FAM174B: variants seen among roughly 807,000 people sequenced by gnomAD.
FAM174B encodes the protein family with sequence similarity 174 member B.
Under a neutral mutation model 10.9 loss-of-function variants are expected in FAM174B, and 12 were observed. The ratio of observed to expected loss-of-function variants is 1.10; its 90% confidence interval spans 0.71 to 1.79. FAM174B has a LOEUF of 1.79. Among genes scored for constraint, FAM174B ranks in the 40% most tolerant of loss-of-function variants. FAM174B has a pLI of 0.00. For missense variants in FAM174B, 266 were observed against 233.3 expected (o/e 1.14, Z -0.91); for synonymous variants, 132 against 115.8 (o/e 1.14, Z -0.90).
chr15:92,634,009 C>A (rs889410272), intron 1 of FAM174B, among the ~76,000 whole-genome samples: 1 of 152,196 alleles, frequency 6.6e-6, no homozygotes, highest in African/African-American at 2.4e-5. Context: ...GATCTACACG[C>A]CTTTCTCAGA....
At chr15:92,620,640 A>T (rs1300317232) in intron 2 of FAM174B, among the ~76,000 whole-genome samples, 4 of 151,500 alleles carry the variant, frequency 2.6e-5, no homozygotes. Flanking sequence ...CAAGGTGAAA[A>T]CCTGTCTCTA....
rs942911966 is a variant in FAM174B, at chr15:92,637,078, G to A, written c.345-6733C>T. On this transcript the variant is annotated intron_variant, in intron 1 of 2. Transcript: ENST00000327355. ...GTGAAGCCCCTCCCACATGGGCCTG[G>A]CCACACCCCCAGTTCCAGGAGTGGA... 7.9e-5 allele frequency among the ~76,000 whole-genome samples: 12 copies of A among 152,310 alleles called. No individual in the cohort carries two copies. The East Asian group carries it at 2.3e-3, about 29-fold the overall frequency.
intron 1 of FAM174B, among the ~76,000 whole-genome samples, chr15:92,640,085 A>G (rs1044800127): frequency 6.6e-6 from 1 of 152,204 alleles, no homozygotes; most frequent in African/African-American, 2.4e-5. Flanking sequence ...CTCATTAAAT[A>G]TTTTGTTGAT....
rs79544421 is a variant in FAM174B at position 92,619,155 on chromosome 15, T to A, written c.*301A>T. On this transcript the variant is annotated 3_prime_UTR_variant, in exon 3 of 3. Coordinates refer to ENST00000327355, the MANE Select transcript of FAM174B (RefSeq NM_207446.3). ...AAAACTTCTTTAAAATCAACATGTT[T>A]CTACCCTTTGCTCCTTAGCAAGGCA... 16 of 697,600 alleles carry A rather than the reference T, an allele frequency of 2.3e-5. No individual in the cohort carries two copies. In the East Asian group the frequency reaches 4.0e-4, roughly 18 times the overall value. The allele number at this position is 697,600 out of a possible 1,614,324, so 43.2% of individuals were successfully genotyped here. A position where few individuals can be genotyped will look rare whatever the true frequency, so the allele number is the denominator to read the frequency against.
intron 1 of FAM174B, among the ~76,000 whole-genome samples, chr15:92,648,652 G>A (rs1421677015): frequency 6.6e-6 from 1 of 152,180 alleles, no homozygotes; most frequent in African/African-American, 2.4e-5. Flanking sequence ...TGAGTGTAGG[G>A]AGGTAGGCGG....
chr15:92,629,575 C>G (rs542275581), intron 2 of FAM174B, among the ~76,000 whole-genome samples: 1 of 152,220 alleles, frequency 6.6e-6, no homozygotes, highest in Non-Finnish European at 1.5e-5. Flanking sequence ...CAGTGGACAA[C>G]TAGCTCATTG....
Position 92,630,351 on chromosome 15 carries a change from G to GGA in FAM174B, c.345-8_345-7dup. 6.2e-7 allele frequency: 1 copy of GGA among 1,607,164 alleles called. No individual in the cohort carries two copies. On this transcript the variant is annotated splice_polypyrimidine_tract_variant and splice_region_variant and intron_variant, in intron 1 of 2. Transcript: ENST00000327355. The stretch of plus-strand genomic sequence containing the variant: ...TCTTTAACCTCTTTCCCGACCTGCA[G>GGA]GAGAAGAAGCACATTCATGAGAACA...
rs1397528259 is a variant in FAM174B at position 92,631,439 on chromosome 15, T to A, written c.345-1094A>T. 6.7e-5 allele frequency among the ~76,000 whole-genome samples: 4 copies of A among 59,510 alleles called. 1 individual carries two copies. Among genetic ancestry groups the A allele is most frequent in the African/African-American group, 3.7e-4 (4 of 10,796 alleles). 39.0% of individuals were successfully genotyped at this position (59,510 alleles called of 152,430 possible). A position where few individuals can be genotyped will look rare whatever the true frequency, so the allele number is the denominator to read the frequency against. ...ATATATAATATATAATATAATATAT[T>A]ATATATATAACATAATATATATTAT... On this transcript the variant is annotated intron_variant, in intron 1 of 2. Coordinates refer to ENST00000327355, the MANE Select transcript of FAM174B (RefSeq NM_207446.3).
intron 2 of FAM174B, among the ~76,000 whole-genome samples, chr15:92,621,558 C>A (rs937414675): frequency 2.0e-5 from 3 of 151,412 alleles, no homozygotes; most frequent in African/African-American, 7.3e-5. Context: ...CTACATTGAG[C>A]CAATATCTTG....
At chr15:92,633,372 A>G (rs1285745223) in intron 1 of FAM174B, among the ~76,000 whole-genome samples, 1 of 152,200 alleles carries the variant, frequency 6.6e-6, no homozygotes, top group African/African-American at 2.4e-5. Context: ...ATTGTTTACC[A>G]AAGTGTCACG....
Position 92,655,410 on chromosome 15 carries a change from G to A in FAM174B, c.250C>T (p.Leu84Phe), listed in dbSNP as rs370065247. 1.9e-6 allele frequency: 3 copies of A among 1,600,922 alleles called. No individual in the cohort carries two copies. The highest frequency in any genetic ancestry group is 1.7e-6 in the Non-Finnish European group (2 of 1,174,966). Reference sequence around the variant, plus strand: ...TTGAGGGTGGGTAGGTCGCGGAGGAGGATGGAAATGCGGGTCACCAAGGCG... The same window carrying A: ...TTGAGGGTGGGTAGGTCGCGGAGGAAGATGGAAATGCGGGTCACCAAGGCG... ...GDALVTRISI[L>F]LRDLPTLKAA... The change falls in exon 1 of 3, where the codon CTC (leucine) becomes TTC (phenylalanine). Residue 84 changes from leucine (L) to phenylalanine (F), a missense_variant. Coordinates refer to ENST00000327355, the MANE Select transcript of FAM174B (RefSeq NM_207446.3).
chr15:92,655,390 G>A lies in FAM174B; in HGVS notation c.270C>T (p.Thr90=), dbSNP rs772985239. The change falls in exon 1 of 3, where the codon ACC becomes ACT. Residue 90 remains threonine, a synonymous_variant. Coordinates refer to ENST00000327355, the MANE Select transcript of FAM174B (RefSeq NM_207446.3). ...ACGCCACGATCACGGCTGCCTTGAG[G>A]GTGGGTAGGTCGCGGAGGAGGATGG... ...RISILLRDLP[T]LKAAVIVAFA... 9 of 1,595,028 alleles carry A rather than the reference G, an allele frequency of 5.6e-6. No individual in the cohort carries two copies. The highest frequency in any genetic ancestry group is 1.7e-5 in the Admixed American group (1 of 58,484).
rs16947117 is a variant in FAM174B, at chr15:92,619,310, C to A, written c.*146G>T. The A allele has an allele frequency of 7.1e-4, 604 of 853,886 alleles. 4 individuals are homozygous for A. The African/African-American group carries it at 9.4e-3, about 13-fold the overall frequency. 52.9% of individuals were successfully genotyped at this position (853,886 alleles called of 1,614,324 possible). ...TGACAGTCTGAGCAGATGCCTGACA[C>A]GCACGATGGAGCTGGGGTTTTATAC... On this transcript the variant is annotated 3_prime_UTR_variant, in exon 3 of 3. Transcript: ENST00000327355.
At chr15:92,640,310 G>T (rs1596300716) in intron 1 of FAM174B, among the ~76,000 whole-genome samples, 1 of 152,246 alleles carries the variant, frequency 6.6e-6, no homozygotes, top group East Asian at 1.9e-4. Flanking sequence ...CCAGCACTTT[G>T]GGAGGCTGAG....
In FAM174B at chr15:92,635,162, C is replaced by T. The variant is rs1372948866; in HGVS notation, c.345-4817G>A. On this transcript the variant is annotated intron_variant, in intron 1 of 2. Transcript: ENST00000327355. ...CTCTCTTTCGCTCACTATCTCTCCA[C>T]ACACACCCACACACACACACACACA... Among the ~76,000 whole-genome samples, 8 of 4,760 alleles carry T rather than the reference C, an allele frequency of 1.7e-3. No homozygotes were observed. The East Asian group carries it at 0.044, about 26-fold the overall frequency. The allele number at this position is 4,760 out of a possible 152,430, so 3.1% of individuals were successfully genotyped here.
At chr15:92,624,689 G>A (rs949628998) in intron 2 of FAM174B, among the ~76,000 whole-genome samples, 32 of 152,238 alleles carry the variant, frequency 2.1e-4, no homozygotes, top group African/African-American at 7.5e-4. Flanking sequence ...CAAGAGGGTG[G>A]GAAGCAGGGA....
Position 92,624,383 on chromosome 15 carries a change from G to A in FAM174B, c.477-4924C>T, listed in dbSNP as rs1011092769. On this transcript the variant is annotated intron_variant, in intron 2 of 2. Transcript: ENST00000327355. ...ACAGTTCGCCCTCAGAAGACCACGA[G>A]GAAGCCTGGGGTGCCTGGCCATTCA... is the stretch of plus-strand genomic sequence containing the variant. 2.0e-5 allele frequency among the ~76,000 whole-genome samples: 3 copies of A among 150,554 alleles called. No individual in the cohort carries two copies. In the Admixed American group the frequency reaches 2.0e-4, roughly 10 times the overall value.
intron 1 of FAM174B, among the ~76,000 whole-genome samples, chr15:92,647,297 C>T (rs1406367160): frequency 1.3e-5 from 2 of 152,224 alleles, no homozygotes; most frequent in Admixed American, 6.5e-5. Flanking sequence ...CCTCCTCCTC[C>T]ACCATGCCTT....
intron 1 of FAM174B, among the ~76,000 whole-genome samples, chr15:92,637,141 C>T (rs2050861175): frequency 6.6e-6 from 1 of 152,194 alleles, no homozygotes; most frequent in Admixed American, 6.5e-5. Context: ...GGCATTGCTA[C>T]CCCCCAGGCC....
Sources: allele counts gnomAD v4.1 joint callset (sites outside exome capture counted in the v4.1 genomes callset), GRCh38; gene constraint gnomAD v4.1.1; transcripts MANE v1.5; gene names NCBI Gene and HGNC (gene_info 2026-07-23, HGNC 2026-07-21).